Variants in GRIA4 observed in about 807,000 individuals in gnomAD.
GRIA4 encodes the protein glutamate ionotropic receptor AMPA type subunit 4.
In GRIA4, 34 loss-of-function variants were observed where a neutral mutation model predicts 104.0. That is an observed-to-expected ratio of 0.33 (90% CI 0.25 to 0.44). The LOEUF is 0.44. Among genes scored for constraint, GRIA4 ranks in the 20% least tolerant of loss-of-function variants. The pLI, the probability that GRIA4 is intolerant of heterozygous loss-of-function variation, is 1.00. For missense variants in GRIA4, 750 were observed against 1,096.5 expected (o/e 0.68, Z 4.46); for synonymous variants, 386 against 381.9 (o/e 1.01, Z -0.13).
At chr11:105,623,889 A>G (rs1950818120) in intron 3 of GRIA4, among the ~76,000 whole-genome samples, 1 of 152,118 alleles carries the variant, frequency 6.6e-6, no homozygotes, top group South Asian at 2.1e-4. Flanking sequence ...TCCTGTCCTC[A>G]TAACCTCTCA....
chr11:105,785,170 C>G (rs577886625), intron 4 of GRIA4, among the ~76,000 whole-genome samples: 2 of 152,126 alleles, frequency 1.3e-5, no homozygotes, highest in African/African-American at 2.4e-5. Flanking sequence ...TATTGGGGCT[C>G]AGATAATCAG....
At position 105,924,439 on chromosome 11, in the gene GRIA4, T is replaced by G; in HGVS notation, c.1517T>G (p.Val506Gly). 1 of 1,608,718 alleles carries G rather than the reference T, an allele frequency of 6.2e-7. No homozygotes were observed. Among genetic ancestry groups the G allele is most frequent in the Non-Finnish European group, 8.5e-7 (1 of 1,175,940 alleles). The change falls in exon 12 of 17, where the codon GTA becomes GGA. Residue 506 changes from valine (V) to glycine (G), a missense_variant. Val to Gly is a moderately radical substitution (Grantham distance 109, BLOSUM62 -3). Around this residue, in one of 3 missense-constraint regions of GRIA4, gnomAD observed 272 missense variants for 524.5 expected, o/e 0.52. Transcript: ENST00000282499. ...ATTGCCCCTCTGACAATCACTTTGG[T>G]ACGAGAGGAGGTCATTGACTTTTCT... The part of the protein sequence containing the change: ...IAIAPLTITL[V>G]REEVIDFSKP...
At chr11:105,813,558 G>A (rs536184161) in intron 4 of GRIA4, among the ~76,000 whole-genome samples, 7 of 152,216 alleles carry the variant, frequency 4.6e-5, no homozygotes, top group Non-Finnish European at 1.0e-4. Context: ...TTCTAACTAG[G>A]CTCTAGGAAA....
intron 14 of GRIA4, among the ~76,000 whole-genome samples, chr11:105,936,796 A>T (rs548346361): frequency 3.9e-5 from 6 of 152,198 alleles, no homozygotes; most frequent in Non-Finnish European, 8.8e-5. Flanking sequence ...TGGACTGAAA[A>T]ATATCACAGC....
At chr11:105,939,105 T>TA (rs544907865) in intron 14 of GRIA4, among the ~76,000 whole-genome samples, 128 of 152,120 alleles carry the variant, frequency 8.4e-4, no homozygotes, top group Non-Finnish European at 1.3e-3. Flanking sequence ...TCCCATTAGT[T>TA]AAAAAAAATG....
intron 5 of GRIA4, among the ~76,000 whole-genome samples, chr11:105,867,688 C>G (rs977642662): frequency 1.3e-5 from 2 of 151,504 alleles, no homozygotes; most frequent in Non-Finnish European, 2.9e-5. Flanking sequence ...AGCCAAAAAG[C>G]AAAACAAAAC....
intron 3 of GRIA4, among the ~76,000 whole-genome samples, chr11:105,694,588 G>A (rs1433092740): frequency 6.6e-6 from 1 of 151,782 alleles, no homozygotes; most frequent in Non-Finnish European, 1.5e-5. Context: ...AAAATCTGAT[G>A]TTTATTTTAC....
chr11:105,977,026 T>A (rs1859015700), intron 16 of GRIA4, among the ~76,000 whole-genome samples: 1 of 152,058 alleles, frequency 6.6e-6, no homozygotes, highest in South Asian at 2.1e-4. Context: ...TTGGAAGTTT[T>A]CCTTTCCCCA....
At chr11:105,962,347 A>G (rs1948764513) in intron 14 of GRIA4, among the ~76,000 whole-genome samples, 1 of 152,190 alleles carries the variant, frequency 6.6e-6, no homozygotes, top group African/African-American at 2.4e-5. Flanking sequence ...CACTAGATTA[A>G]TGTGCCCAAA....
At chr11:105,960,958 G>C (rs1948730056) in intron 14 of GRIA4, among the ~76,000 whole-genome samples, 1 of 152,138 alleles carries the variant, frequency 6.6e-6, no homozygotes, top group South Asian at 2.1e-4. Context: ...ATTTTGATGA[G>C]AGAGAGCCTG....
At chr11:105,746,079 G>A (rs188493808) in intron 3 of GRIA4, among the ~76,000 whole-genome samples, 7 of 151,598 alleles carry the variant, frequency 4.6e-5, no homozygotes, top group Non-Finnish European at 8.8e-5. Context: ...TATGCGATAC[G>A]TTTGCTACAT....
chr11:105,920,176 A>G (rs972288213), intron 11 of GRIA4, among the ~76,000 whole-genome samples: 2 of 152,164 alleles, frequency 1.3e-5, no homozygotes, highest in Admixed American at 1.3e-4. Context: ...ATCCATAGGA[A>G]AGAATTGCTG....
intron 6 of GRIA4, among the ~76,000 whole-genome samples, chr11:105,897,934 G>C (rs1946713824): frequency 6.6e-6 from 1 of 152,066 alleles, no homozygotes; most frequent in Admixed American, 6.5e-5. Context: ...GAATGAGTTA[G>C]TGAGAAATAG....
chr11:105,948,155 A>C (rs1948364589), intron 14 of GRIA4, among the ~76,000 whole-genome samples: 1 of 152,180 alleles, frequency 6.6e-6, no homozygotes, highest in East Asian at 1.9e-4. Flanking sequence ...GTTTTTACTC[A>C]AGTGTCTTCT....
At chr11:105,853,796 GT>G (rs1415196318) in intron 4 of GRIA4, among the ~76,000 whole-genome samples, 5 of 152,130 alleles carry the variant, frequency 3.3e-5, no homozygotes, top group African/African-American at 9.7e-5. Flanking sequence ...TTTTTCTGGA[GT>G]TGGTCTAAGT....
intron 5 of GRIA4, among the ~76,000 whole-genome samples, chr11:105,871,180 AATGT>A (rs1486962757): frequency 1.3e-5 from 2 of 152,128 alleles, no homozygotes; most frequent in Non-Finnish European, 2.9e-5. Flanking sequence ...AGAAATTATT[AATGT>A]ATTAAATTTG....
intron 4 of GRIA4, among the ~76,000 whole-genome samples, chr11:105,846,505 CAT>C (rs1002111185): frequency 6.6e-6 from 1 of 151,926 alleles, no homozygotes; most frequent in Non-Finnish European, 1.5e-5. Context: ...AATTCACACA[CAT>C]ATGACTATTA....
At chr11:105,703,294 G>A (rs769687869) in intron 3 of GRIA4, among the ~76,000 whole-genome samples, 101 of 152,232 alleles carry the variant, frequency 6.6e-4, no homozygotes, top group Admixed American at 1.3e-3. Flanking sequence ...TTTGTGTGAA[G>A]ACATTATAAC....
At chr11:105,827,053 T>A (rs1169162603) in intron 4 of GRIA4, among the ~76,000 whole-genome samples, 2 of 151,974 alleles carry the variant, frequency 1.3e-5, no homozygotes, top group African/African-American at 2.4e-5. Flanking sequence ...TCCTTCCTCA[T>A]CCAGAAAGTC....
Sources: gnomAD v4.1 joint callset for allele counts (sites outside exome capture counted in the v4.1 genomes callset) on GRCh38, gnomAD v4.1.1 for gene constraint, gnomAD v4.1.1 regional missense constraint, MANE v1.5 for transcripts, NCBI Gene and HGNC (gene_info 2026-07-23, HGNC 2026-07-21) for gene names.